The following MLLT10 variants were observed in gnomAD, a reference collection of about 807,000 sequenced individuals.
MLLT10 encodes protein AF-10.
A neutral mutation model predicts 129.1 loss-of-function variants in MLLT10; 30 were observed. The ratio of observed to expected loss-of-function variants is 0.23; its 90% CI spans 0.17 to 0.32. MLLT10 has a LOEUF of 0.32. Among genes scored for constraint, MLLT10 ranks in the 10% least tolerant of loss-of-function variants. The pLI is 1.00. For missense variants in MLLT10, 1,119 were observed against 1,268.3 expected (o/e 0.88, Z 1.79); for synonymous variants, 490 against 446.4 (o/e 1.10, Z -1.23).
intron 3 of MLLT10, among the ~76,000 whole-genome samples, chr10:21,583,767 C>A (rs2041704058): frequency 6.6e-6 from 1 of 152,150 alleles, no homozygotes; most frequent in Non-Finnish European, 1.5e-5. Context: ...AGGGATCTGC[C>A]CCCATTACCC....
chr10:21,727,452 A>G (rs990833937), intron 15 of MLLT10, among the ~76,000 whole-genome samples: 4 of 151,890 alleles, frequency 2.6e-5, no homozygotes, highest in Non-Finnish European at 5.9e-5. Context: ...TTGTCTTGGG[A>G]TGCAAAGTGT....
chr10:21,717,522 T>TCCTCCTCCTCCTCCTCCACCA (rs2056698828), intron 14 of MLLT10, among the ~76,000 whole-genome samples: 2 of 101,172 alleles, frequency 2.0e-5, no homozygotes, highest in African/African-American at 4.6e-5. Context: ...CTCCACCACC[T>TCCTCCTCCTCCTCCTCCACCA]CCTCCTCCTC....
intron 11 of MLLT10, among the ~76,000 whole-genome samples, chr10:21,676,235 G>A (rs2052082776): frequency 6.6e-6 from 1 of 151,430 alleles, no homozygotes; most frequent in Non-Finnish European, 1.5e-5. Flanking sequence ...GGAGACCACG[G>A]TGAAACCCTG....
chr10:21,548,142 G>A (rs1176190328), intron 3 of MLLT10, among the ~76,000 whole-genome samples: 1 of 151,898 alleles, frequency 6.6e-6, no homozygotes, highest in Non-Finnish European at 1.5e-5. Context: ...TTTGTCTTCT[G>A]GTGTCTGTTG....
intron 16 of MLLT10, among the ~76,000 whole-genome samples, chr10:21,728,478 C>T (rs1283917656): frequency 7.2e-5 from 11 of 152,270 alleles, no homozygotes; most frequent in African/African-American, 2.6e-4. Context: ...GGTTATCAAA[C>T]TGCATATTCC....
intron 15 of MLLT10, among the ~76,000 whole-genome samples, chr10:21,726,980 T>TCTTG (rs1483788429): frequency 1.3e-5 from 2 of 152,234 alleles, no homozygotes; most frequent in African/African-American, 2.4e-5. Context: ...CGCATTTGTC[T>TCTTG]CTTGTACTGT....
At chr10:21,668,815 C>A in intron 9 of MLLT10, 1 of 704,896 alleles carries the variant, frequency 1.4e-6, no homozygotes, top group Non-Finnish European at 1.7e-6. Flanking sequence ...ATTTGTAGTA[C>A]TCTACCCAAT....
intron 9 of MLLT10, among the ~76,000 whole-genome samples, chr10:21,658,259 CCTT>C (rs1469080260): frequency 6.6e-6 from 1 of 152,202 alleles, no homozygotes; most frequent in African/African-American, 2.4e-5. Flanking sequence ...CTTTTAATCT[CCTT>C]CTCCCTGAGT....
chr10:21,676,240 AC>A (rs958282683), intron 11 of MLLT10, among the ~76,000 whole-genome samples: 1 of 150,980 alleles, frequency 6.6e-6, no homozygotes, highest in African/African-American at 2.4e-5. Flanking sequence ...CCACGGTGAA[AC>A]CCTGTCTCTA....
intron 13 of MLLT10, among the ~76,000 whole-genome samples, chr10:21,689,154 A>C (rs2053576949): frequency 6.6e-6 from 1 of 152,020 alleles, no homozygotes; most frequent in Admixed American, 6.6e-5. Context: ...ATTTGACAAG[A>C]ATATATTAGG....
intron 9 of MLLT10, chr10:21,661,704 C>A (rs1326754182): frequency 6.6e-6 from 1 of 152,162 alleles, no homozygotes; most frequent in Non-Finnish European, 1.5e-5. Context: ...TTCTCTGTAT[C>A]ATTCTAATTT....
At chr10:21,539,993 A>T (rs1047872629) in intron 3 of MLLT10, among the ~76,000 whole-genome samples, 1 of 151,588 alleles carries the variant, frequency 6.6e-6, no homozygotes, top group South Asian at 2.1e-4. Context: ...AGTGACTCAC[A>T]CCTGTAATCC....
intron 13 of MLLT10, among the ~76,000 whole-genome samples, chr10:21,685,090 C>G (rs1231585324): frequency 6.6e-6 from 1 of 151,776 alleles, no homozygotes; most frequent in Non-Finnish European, 1.5e-5. Context: ...CAATTGATTT[C>G]TACTCTTTCT....
rs76347194 is a variant in MLLT10, at chr10:21,666,900, A to G, written c.796-3549A>G. On this transcript the variant is annotated intron_variant, in intron 9 of 22. Transcript: ENST00000307729. ...CATCATCATCATCTCTCTGTACTAT[A>G]TTTACTATTAGCAATGAACATTTCT... 3.4e-3 allele frequency among the ~76,000 whole-genome samples: 514 copies of G among 152,202 alleles called. 4 individuals carry two copies. The highest frequency in any genetic ancestry group is 4.1e-3 in the Non-Finnish European group (277 of 68,010).
chr10:21,728,944 G>T (rs1485693841), intron 16 of MLLT10, among the ~76,000 whole-genome samples: 1 of 150,278 alleles, frequency 6.7e-6, no homozygotes, highest in Non-Finnish European at 1.5e-5. Context: ...TGATATATTT[G>T]GGGAATGTCT....
chr10:21,584,421 C>T (rs1294512949), intron 3 of MLLT10, among the ~76,000 whole-genome samples: 1 of 152,066 alleles, frequency 6.6e-6, no homozygotes, highest in African/African-American at 2.4e-5. Flanking sequence ...CCTTGGCCTC[C>T]CAAAGTGCTG....
chr10:21,733,885 G>A lies in MLLT10; in HGVS notation c.2614G>A (p.Gly872Ser). The stretch of plus-strand genomic sequence containing the variant: ...AGTGAGTGGAGTTCAGCAGGTCAAT[G>A]GCGTGACAGTGGGGGCACTAGCTAG... Reference protein sequence around the residue: ...SGVSGVQQVNGVTVGALASGM... With the variant: ...SGVSGVQQVNSVTVGALASGM... The change falls in exon 20 of 23, where the codon GGC becomes AGC. Residue 872 changes from glycine to serine, a missense_variant. Gly to Ser is a moderately conservative substitution (Grantham distance 56). This residue lies in a region of MLLT10 where 1,004 missense variants were observed against 1,008.7 expected (regional missense o/e 1.00). Transcript: ENST00000307729. 1 of 1,614,178 alleles carries A rather than the reference G, an allele frequency of 6.2e-7. No homozygotes were observed. Among genetic ancestry groups the A allele is most frequent in the Non-Finnish European group, 8.5e-7 (1 of 1,180,024 alleles).
chr10:21,627,075 T>G (rs995200844), intron 8 of MLLT10, among the ~76,000 whole-genome samples: 2 of 152,162 alleles, frequency 1.3e-5, no homozygotes, highest in African/African-American at 4.8e-5. Context: ...TTTCAATAGT[T>G]TCAAACTTAA....
chr10:21,584,661 C>T (rs559415214), intron 3 of MLLT10, among the ~76,000 whole-genome samples: 8 of 151,774 alleles, frequency 5.3e-5, no homozygotes, highest in African/African-American at 1.9e-4. Flanking sequence ...AATACTATTT[C>T]AACTTAATTT....
Sources: gnomAD v4.1 joint callset for allele counts (sites outside exome capture counted in the v4.1 genomes callset) on GRCh38, gnomAD v4.1.1 for gene constraint, gnomAD v4.1.1 regional missense constraint, MANE v1.5 for transcripts, NCBI Gene and HGNC (gene_info 2026-07-23, HGNC 2026-07-21) for gene names.